Variants in MPST observed in about 807,000 individuals in gnomAD.
MPST encodes the protein mercaptopyruvate sulfurtransferase.
A neutral mutation model predicts 28.5 loss-of-function variants in MPST; 27 were observed. The observed-to-expected ratio is 0.95, with a 90% CI of 0.70 to 1.31. The LOEUF is 1.31. Among genes scored for constraint, MPST ranks in the 50% most tolerant of loss-of-function variants. MPST has a pLI of 0.00. For synonymous variants in MPST, 204 were observed against 209.3 expected, an observed-to-expected ratio of 0.97 and a Z score of 0.22; for missense variants, 492 against 471.1, an observed-to-expected ratio of 1.04 and a Z score of -0.41.
At position 37,024,552 on chromosome 22, in the gene MPST, G is replaced by A. The variant is rs866254586; in HGVS notation, c.397G>A (p.Val133Ile). Residue 133 changes from valine to isoleucine, a missense_variant, in exon 2 of 3, where the codon GTC (valine) becomes ATC (isoleucine). Val to Ile is a conservative substitution (Grantham distance 29). Transcript: ENST00000429360. ...CCAGGGCCTCTACTCCGCCCCGCGC[G>A]TCTGGTGGATGTTCCGCGCCTTCGG... is the stretch of plus-strand genomic sequence containing the variant. ...SDQGLYSAPR[V>I]WWMFRAFGHH... The A allele has an allele frequency of 6.3e-7, 1 of 1,578,652 alleles. No homozygotes were observed. Among genetic ancestry groups the A allele is most frequent in the African/African-American group, 1.3e-5 (1 of 74,386 alleles).
In MPST at chr22:37,024,427, C is replaced by G; in HGVS notation, c.272C>G (p.Pro91Arg). 1.9e-6 allele frequency: 3 copies of G among 1,544,374 alleles called. No individual in the cohort carries two copies. Among genetic ancestry groups the G allele is most frequent in the Non-Finnish European group, 2.6e-6 (3 of 1,142,792 alleles). ...DIDQCSDRTSPYDHMLPGAEH... is the reference protein window; with the variant it reads ...DIDQCSDRTSRYDHMLPGAEH... ...GACCAGTGCAGCGACCGCACCTCGCCCTACGACCACATGCTGCCCGGGGCC... is the reference window on the plus strand; with the variant it reads ...GACCAGTGCAGCGACCGCACCTCGCGCTACGACCACATGCTGCCCGGGGCC... Residue 91 changes from proline to arginine, a missense_variant, in exon 2 of 3, where the codon CCC becomes CGC. Physicochemically the swap from Pro to Arg is moderately radical, Grantham distance 103. Transcript: ENST00000429360.
intron 1 of MPST, chr22:37,023,960 T>G: frequency 6.6e-7 from 1 of 1,509,276 alleles, no homozygotes; most frequent in Admixed American, 2.0e-5. Flanking sequence ...CTCCGGGAGG[T>G]CATGGTCATT....
intron 1 of MPST, 80 bp downstream of exon 1, chr22:37,019,952 G>A: frequency 1.4e-6 from 1 of 691,280 alleles, no homozygotes; most frequent in Non-Finnish European, 2.0e-6. Context: ...CGGGGCTCCC[G>A]CGCGGGACCT....
At chr22:37,025,556 G>T (rs180910133) in intron 2 of MPST, 1,989 of 168,752 alleles carry the variant, frequency 0.012, 23 homozygotes, top group Non-Finnish European at 0.018. Context: ...TGTATAATGC[G>T]AGGAGGAGTC....
rs750391152 is a variant in MPST, at chr22:37,029,489, C to T, written c.929C>T (p.Ser310Leu). The T allele has an allele frequency of 2.5e-6, 4 of 1,608,184 alleles. No homozygotes were observed. The Admixed American group carries it at 5.0e-5, about 20-fold the overall frequency. Residue 310 changes from serine (S) to leucine (L), a missense_variant, in exon 3 of 3, where the codon TCA becomes TTA. Coordinates refer to ENST00000429360, the MANE Select transcript of MPST (RefSeq NM_021126.8). Reference sequence around the variant, plus strand: ...CGCGCCCGGCCCGAGGATGTCATCTCAGAGGGCCGGGGGAAGACCCACTGA... The same window carrying T: ...CGCGCCCGGCCCGAGGATGTCATCTTAGAGGGCCGGGGGAAGACCCACTGA... The part of the protein sequence containing the change: ...YMRARPEDVI[S>L]EGRGKTH
Position 37,024,642 on chromosome 22 carries a change from A to G in MPST, c.487A>G (p.Ser163Gly). ...CTGGCTGCGCCAGAACCTCCCGCTC[A>G]GCTCCGGCAAGAGCCAACCTGCTCC... ...RHWLRQNLPL[S>G]SGKSQPAPAE... The change falls in exon 2 of 3, where the codon AGC becomes GGC. Residue 163 changes from serine to glycine, a missense_variant. Physicochemically the swap from Ser to Gly is moderately conservative, Grantham distance 56. Transcript: ENST00000429360. The G allele has an allele frequency of 6.3e-7, 1 of 1,593,514 alleles. No homozygotes were observed. Among genetic ancestry groups the G allele is most frequent in the Non-Finnish European group, 8.5e-7 (1 of 1,174,812 alleles).
Position 37,029,735 on chromosome 22 carries a change from G to A in MPST, c.*221G>A, listed in dbSNP as rs1601465121. 3.2e-5 allele frequency: 19 copies of A among 600,526 alleles called. No homozygotes were observed. The highest frequency in any genetic ancestry group is 2.5e-4 in the South Asian group (12 of 48,448). 37.2% of individuals were successfully genotyped at this position (600,526 alleles called of 1,614,324 possible). ...CCTGGAGGAGGGAGGCCACAACTCC[G>A]AGCTGCCCACCTGGTGCTGAGCTGG... On this transcript the variant is annotated 3_prime_UTR_variant, in exon 3 of 3. Coordinates refer to ENST00000429360, the MANE Select transcript of MPST (RefSeq NM_021126.8).
Position 37,029,677 on chromosome 22 carries a change from C to A in MPST, c.*163C>A. 1.3e-6 allele frequency: 1 copy of A among 744,470 alleles called. No homozygotes were observed. The highest frequency in any genetic ancestry group is 2.1e-6 in the Non-Finnish European group (1 of 467,298). 46.1% of individuals were successfully genotyped at this position (744,470 alleles called of 1,614,324 possible). A position where few individuals can be genotyped will look rare whatever the true frequency, so the allele number is the denominator to read the frequency against. ...AGGAATTCCGTTGACTTGTTGGCTG[C>A]CAGTAGGGGCGGGAGGAAAGGCGGA... On this transcript the variant is annotated 3_prime_UTR_variant, in exon 3 of 3. Coordinates refer to ENST00000429360, the MANE Select transcript of MPST (RefSeq NM_021126.8).
At position 37,029,358 on chromosome 22, in the gene MPST, C is replaced by A; in HGVS notation, c.798C>A (p.Ala266=). ...KKVDLSKPLV[A]TCGSGVTACH... Reference sequence around the variant, plus strand: ...TGGACCTGTCTAAGCCACTGGTGGCCACGTGTGGCTCTGGCGTCACAGCCT... The same window carrying A: ...TGGACCTGTCTAAGCCACTGGTGGCAACGTGTGGCTCTGGCGTCACAGCCT... The change falls in exon 3 of 3, where the codon GCC becomes GCA. Residue 266 remains alanine (A), a synonymous_variant. Transcript: ENST00000429360. 8 of 1,614,042 alleles carry A rather than the reference C, an allele frequency of 5.0e-6. No individual in the cohort carries two copies. The highest frequency in any genetic ancestry group is 5.9e-6 in the Non-Finnish European group (7 of 1,180,038).
In MPST at chr22:37,029,519, G is replaced by C; in HGVS notation, c.*5G>C. 1.3e-6 allele frequency: 2 copies of C among 1,596,618 alleles called. No homozygotes were observed. Among genetic ancestry groups the C allele is most frequent in the Non-Finnish European group, 1.7e-6 (2 of 1,169,800 alleles). On this transcript the variant is annotated 3_prime_UTR_variant, in exon 3 of 3. Transcript: ENST00000429360. ...GGCCGGGGGAAGACCCACTGAAGCT[G>C]GGCAGGACACAGGCGAGCTCAGGTG...
chr22:37,028,095 A>G (rs1232445962), intron 2 of MPST: 1 of 152,232 alleles, frequency 6.6e-6, no homozygotes, highest in Non-Finnish European at 1.5e-5. Flanking sequence ...GGCAGAAAGT[A>G]AGCATTCAAT....
intron 1 of MPST, among the ~76,000 whole-genome samples, chr22:37,022,733 C>G (rs981762331): frequency 6.6e-6 from 1 of 152,250 alleles, no homozygotes; most frequent in African/African-American, 2.4e-5. Flanking sequence ...CCCACAGAGG[C>G]ACTCGGTCCA....
chr22:37,020,131 G>C (rs972823278), intron 1 of MPST: 15 of 384,130 alleles, frequency 3.9e-5, no homozygotes, highest in Non-Finnish European at 6.0e-5. Context: ...GGGGGAGAGA[G>C]AGGAGGACAG....
At position 37,024,229 on chromosome 22, in the gene MPST, A is replaced by C; in HGVS notation, c.74A>C (p.Gln25Pro). Reference protein sequence around the residue: ...SPSVAAMASPQLCRALVSAQW... With the variant: ...SPSVAAMASPPLCRALVSAQW... ...AGTGTCGCCGCCATGGCTTCGCCGCAGCTCTGCCGCGCGCTGGTGTCGGCG... is the reference window on the plus strand; with the variant it reads ...AGTGTCGCCGCCATGGCTTCGCCGCCGCTCTGCCGCGCGCTGGTGTCGGCG... Residue 25 changes from glutamine to proline, a missense_variant, in exon 2 of 3, where the codon CAG becomes CCG. Physicochemically the swap from Gln to Pro is moderately conservative, Grantham distance 76 (BLOSUM62 -1). Coordinates refer to ENST00000429360, the MANE Select transcript of MPST (RefSeq NM_021126.8). 7.2e-7 allele frequency: 1 copy of C among 1,392,410 alleles called. No homozygotes were observed. The allele number at this position is 1,392,410 out of a possible 1,614,324, so 86.3% of individuals were successfully genotyped here.
Position 37,019,761 on chromosome 22 carries a change from T to G in MPST, c.-76T>G. On this transcript the variant is annotated 5_prime_UTR_variant, in exon 1 of 3. Transcript: ENST00000429360. ...TGGGCTGTGCCGGAGTCTCCTCCCT[T>G]TGGTCCGCTGCAGGTTGGTGGCGGG... is the stretch of plus-strand genomic sequence containing the variant. The G allele has an allele frequency of 1.3e-5, 8 of 622,720 alleles. No homozygotes were observed. The highest frequency in any genetic ancestry group is 1.9e-5 in the African/African-American group (1 of 52,724). The allele number at this position is 622,720 out of a possible 1,614,324, so 38.6% of individuals were successfully genotyped here. A position where few individuals can be genotyped will look rare whatever the true frequency, so the allele number is the denominator to read the frequency against.
intron 1 of MPST, among the ~76,000 whole-genome samples, chr22:37,021,350 T>C (rs973444165): frequency 6.6e-6 from 1 of 152,144 alleles, no homozygotes; most frequent in Non-Finnish European, 1.5e-5. Context: ...GCAGGGAGAC[T>C]GGGGCAGGGT....
In MPST at chr22:37,024,738, T is replaced by C. The variant is rs759013732; in HGVS notation, c.583T>C (p.Ser195Pro). The stretch of plus-strand genomic sequence containing the variant: ...CGAGGACATCAAGGAGAACCTGGAA[T>C]CCCGGCGCTTCCAGGTGGTGGACTC... ...TYEDIKENLE[S>P]RRFQVVDSRA... Residue 195 changes from serine to proline, a missense_variant, in exon 2 of 3, where the codon TCC (serine) becomes CCC (proline). Physicochemically the swap from Ser to Pro is moderately conservative, Grantham distance 74 (BLOSUM62 -1). Coordinates refer to ENST00000429360, the MANE Select transcript of MPST (RefSeq NM_021126.8). The C allele has an allele frequency of 5.6e-6, 9 of 1,600,728 alleles. No homozygotes were observed. In the Admixed American group the frequency reaches 6.7e-5, roughly 12 times the overall value.
chr22:37,027,368 T>G (rs1439042917), intron 2 of MPST: 1 of 151,804 alleles, frequency 6.6e-6, no homozygotes, highest in African/African-American at 2.4e-5. Context: ...ACCCTGGGAG[T>G]CTGCAGAGGT....
chr22:37,024,405 C>A lies in MPST; in HGVS notation c.250C>A (p.Gln84Lys). 3.2e-6 allele frequency: 5 copies of A among 1,546,912 alleles called. 1 individual carries two copies. The highest frequency in any genetic ancestry group is 4.4e-6 in the Non-Finnish European group (5 of 1,145,690). Residue 84 changes from glutamine (Q) to lysine (K), a missense_variant, in exon 2 of 3, where the codon CAG (glutamine) becomes AAG (lysine). Physicochemically the swap from Gln to Lys is moderately conservative, Grantham distance 53 (BLOSUM62 1). Coordinates refer to ENST00000429360, the MANE Select transcript of MPST (RefSeq NM_021126.8). The stretch of plus-strand genomic sequence containing the variant: ...GGGCGCCGCTTTCTTCGACATCGAC[C>A]AGTGCAGCGACCGCACCTCGCCCTA... ...IPGAAFFDIDQCSDRTSPYDH... is the reference protein window; with the variant it reads ...IPGAAFFDIDKCSDRTSPYDH...
Sources: allele counts gnomAD v4.1 joint callset (sites outside exome capture counted in the v4.1 genomes callset), GRCh38; gene constraint gnomAD v4.1.1; transcripts MANE v1.5; gene names NCBI Gene and HGNC (gene_info 2026-07-23, HGNC 2026-07-21).